The following ALG9 variants were observed in gnomAD, a reference collection of about 807,000 sequenced individuals.
The protein encoded by ALG9 is ALG9 alpha-1,2-mannosyltransferase.
In ALG9, 55 loss-of-function variants were observed where a neutral mutation model predicts 81.8. That is an observed-to-expected ratio of 0.67 (90% confidence interval 0.54 to 0.84). The LOEUF is 0.84. Among genes scored for constraint, ALG9 ranks in the 40% least tolerant of loss-of-function variants. ALG9 has a pLI of 0.00. For synonymous variants in ALG9, 278 were observed against 274.3 expected, an observed-to-expected ratio of 1.01 and a Z score of -0.13; for missense variants, 629 against 745.0, an observed-to-expected ratio of 0.84 and a Z score of 1.81.
At chr11:111,835,200 C>T (rs576510498) in intron 13 of ALG9, among the ~76,000 whole-genome samples, 9 of 152,286 alleles carry the variant, frequency 5.9e-5, no homozygotes, top group South Asian at 2.1e-4. Context: ...ATTTCTTTAA[C>T]GGACAGGTTA....
intron 13 of ALG9, chr11:111,817,289 T>A (rs1169532504): frequency 6.6e-6 from 1 of 152,178 alleles, no homozygotes; most frequent in Non-Finnish European, 1.5e-5. Context: ...CAAGAAAGTG[T>A]TGGAGGAAAA....
At chr11:111,858,096 C>G (rs1346151486) in intron 5 of ALG9, among the ~76,000 whole-genome samples, 1 of 151,992 alleles carries the variant, frequency 6.6e-6, no homozygotes, top group African/African-American at 2.4e-5. Context: ...GCCACCACAC[C>G]CAGCTAATTT....
At chr11:111,836,481 T>C (rs1555117791) in intron 12 of ALG9, among the ~76,000 whole-genome samples, 187 bp from the exon 13 acceptor site, 1 of 152,228 alleles carries the variant, frequency 6.6e-6, no homozygotes, top group African/African-American at 2.4e-5. Flanking sequence ...TTGAGAAATT[T>C]ATAATTAGAT....
intron 13 of ALG9, among the ~76,000 whole-genome samples, chr11:111,819,017 AAGAAGTACAC>A (rs1197237942): frequency 2.0e-5 from 3 of 152,240 alleles, no homozygotes; most frequent in Non-Finnish European, 2.9e-5. Context: ...AGAAGAATCA[AAGAAGTACAC>A]AGTTTTGAAA....
chr11:111,769,352 C>G, the ALG9 span: 1 of 151,062 alleles, frequency 6.6e-6, no homozygotes, highest in East Asian at 1.9e-4. Flanking sequence ...GGTGCAGTGG[C>G]TCACACCTGT....
chr11:111,869,008 G>A (rs1159838455), intron 2 of ALG9, among the ~76,000 whole-genome samples: 1 of 151,902 alleles, frequency 6.6e-6, no homozygotes, highest in Non-Finnish European at 1.5e-5. Context: ...TGCAGTCCCA[G>A]CTACTTGGAA....
At chr11:111,801,189 T>C (rs1555080172) in intron 14 of ALG9, among the ~76,000 whole-genome samples, 1 of 152,168 alleles carries the variant, frequency 6.6e-6, no homozygotes, top group Non-Finnish European at 1.5e-5. Flanking sequence ...ATTGCTCCAG[T>C]AAATAAGTGT....
chr11:111,844,553 T>TA (rs762845395), intron 9 of ALG9, 48 bp downstream of exon 9: 453 of 1,612,608 alleles, frequency 2.8e-4, no homozygotes, highest in Non-Finnish European at 3.6e-4. Flanking sequence ...TATACACCAT[T>TA]ACTTGCTCTT....
At chr11:111,805,667 A>G (rs1472017711) in intron 14 of ALG9, among the ~76,000 whole-genome samples, 1 of 152,240 alleles carries the variant, frequency 6.6e-6, no homozygotes. Flanking sequence ...GGGAGAATAG[A>G]GCATGGAAGT....
At chr11:111,823,518 A>C (rs1952763305) in intron 13 of ALG9, among the ~76,000 whole-genome samples, 1 of 152,294 alleles carries the variant, frequency 6.6e-6, no homozygotes, top group East Asian at 1.9e-4. Flanking sequence ...ACAAATGGCA[A>C]AGGCAAAATA....
chr11:111,870,846 T>C, intron 1 of ALG9: 1 of 1,005,014 alleles, frequency 1.0e-6, no homozygotes, highest in Non-Finnish European at 1.2e-6. Flanking sequence ...GATGGCTTTA[T>C]TCATTCCCCC....
Position 111,838,153 on chromosome 11 carries a change from G to GTA in ALG9, c.1324+94_1324+95dup. The GTA allele has an allele frequency of 2.1e-6, 3 of 1,462,274 alleles. No homozygotes were observed. The East Asian group carries it at 6.9e-5, about 34-fold the overall frequency. The allele number at this position is 1,462,274 out of a possible 1,614,324, so 90.6% of individuals were successfully genotyped here. The stretch of plus-strand genomic sequence containing the variant: ...TTCTCTTTTTAGAAATGGCTTCTTA[G>GTA]TATAAGCCAAATATGTATTATATAA... On this transcript the variant is annotated intron_variant, in intron 11 of 14. Coordinates refer to ENST00000616540, the MANE Select transcript of ALG9 (RefSeq NM_024740.2).
At chr11:111,823,701 A>T (rs1362111339) in intron 13 of ALG9, among the ~76,000 whole-genome samples, 1 of 152,218 alleles carries the variant, frequency 6.6e-6, no homozygotes. Context: ...ACTTGGGAAA[A>T]GGTCACATGT....
chr11:111,818,769 C>T (rs1307981038), intron 13 of ALG9, among the ~76,000 whole-genome samples: 3 of 151,908 alleles, frequency 2.0e-5, no homozygotes, highest in African/African-American at 7.3e-5. Context: ...AAACCTAGCA[C>T]AGTACAAAAC....
At chr11:111,769,675 C>G in the ALG9 span, among the ~76,000 whole-genome samples, 2 of 151,780 alleles carry the variant, frequency 1.3e-5, no homozygotes, top group South Asian at 4.2e-4. Flanking sequence ...CAGAGAGAAG[C>G]AGATTAAGTC....
intron 2 of ALG9, 82 bp from the exon 3 acceptor site, chr11:111,868,818 G>T: frequency 7.1e-7 from 1 of 1,409,882 alleles, no homozygotes; most frequent in Non-Finnish European, 9.5e-7. Flanking sequence ...TTTCTGAGCA[G>T]AAATATTAAA....
chr11:111,780,745 AGT>A (rs1304752284), downstream of ALG9, among the ~76,000 whole-genome samples: 1 of 152,176 alleles, frequency 6.6e-6, no homozygotes, highest in African/African-American at 2.4e-5. Context: ...TGAGAGCAAC[AGT>A]TTGTACATTA....
At chr11:111,866,684 T>C (rs1237800118) in intron 3 of ALG9, among the ~76,000 whole-genome samples, 2 of 151,338 alleles carry the variant, frequency 1.3e-5, no homozygotes, top group Non-Finnish European at 2.9e-5. Flanking sequence ...CATGTAAAAT[T>C]TGAAGTGATA....
chr11:111,810,745 C>T (rs1427180497), intron 13 of ALG9, among the ~76,000 whole-genome samples: 5 of 152,014 alleles, frequency 3.3e-5, no homozygotes, highest in African/African-American at 9.7e-5. Flanking sequence ...AAAAGAGAGA[C>T]CTGCTTCAAA....
Sources: gnomAD v4.1 joint callset for allele counts (sites outside exome capture counted in the v4.1 genomes callset) on GRCh38, gnomAD v4.1.1 for gene constraint, MANE v1.5 for transcripts, NCBI Gene and HGNC (gene_info 2026-07-23, HGNC 2026-07-21) for gene names.